AKT2: variants seen among roughly 807,000 people sequenced by gnomAD.
AKT2 encodes AKT serine/threonine kinase 2.
Under a neutral mutation model 58.6 loss-of-function variants are expected in AKT2, and 16 were observed. That is an observed-to-expected ratio of 0.27 (90% CI 0.18 to 0.41). The LOEUF is 0.41. Ranked by LOEUF, AKT2 falls within the 10% of genes least tolerant of loss-of-function variation. The pLI, the probability that AKT2 is intolerant of heterozygous loss-of-function variation, is 1.00. For synonymous variants in AKT2, 253 were observed against 254.0 expected (o/e 1.00, Z 0.04); for missense variants, 438 against 661.0 (o/e 0.66, Z 3.70).
intron 6 of AKT2, chr19:40,241,594 G>A (rs1487211299): frequency 2.1e-5 from 7 of 335,416 alleles, no homozygotes; most frequent in African/African-American, 8.4e-5. Context: ...CTCCTGGCCC[G>A]GCCTCCACCT....
rs1021869884 is a variant in AKT2, at chr19:40,242,445, A to T, written c.441+89T>A. The T allele has an allele frequency of 3.2e-6, 5 of 1,580,612 alleles. No individual in the cohort carries two copies. The Admixed American group carries it at 8.3e-5, about 26-fold the overall frequency. Reference sequence around the variant, plus strand: ...CTTGTCTCTCAGCTGAGCCCCCTGAACTGTGTTATGGAAACCAAGGAGAGC... The same window carrying T: ...CTTGTCTCTCAGCTGAGCCCCCTGATCTGTGTTATGGAAACCAAGGAGAGC... On this transcript the variant is annotated intron_variant, in intron 5 of 13. Transcript: ENST00000392038. The surrounding 1 kb of genome is among the most constrained non-coding windows in gnomAD (Gnocchi z 4.3).
chr19:40,238,884 G>A lies in AKT2; in HGVS notation c.708+21C>T. The A allele has an allele frequency of 6.2e-7, 1 of 1,613,898 alleles. No individual in the cohort carries two copies. Among genetic ancestry groups the A allele is most frequent in the Admixed American group, 1.7e-5 (1 of 60,028 alleles). ...AAAGAAGGAGGCCCCAGAGGGCAAA[G>A]TCAAGGCAGCCGCGGCTCACCTCAC... is the stretch of plus-strand genomic sequence containing the variant. On this transcript the variant is annotated intron_variant, in intron 8 of 13. Coordinates refer to ENST00000392038, the MANE Select transcript of AKT2 (RefSeq NM_001626.6). The surrounding 1 kb of genome is among the most constrained non-coding windows in gnomAD (Gnocchi z 5.1).
chr19:40,258,346 G>T (rs1479928384), intron 2 of AKT2, among the ~76,000 whole-genome samples: 3 of 149,866 alleles, frequency 2.0e-5, no homozygotes, highest in African/African-American at 7.4e-5. Context: ...TTAAATGGAT[G>T]AATCATGTAG....
At chr19:40,269,822 T>G (rs966905204) in intron 1 of AKT2, among the ~76,000 whole-genome samples, 5 of 152,074 alleles carry the variant, frequency 3.3e-5, no homozygotes, top group African/African-American at 1.2e-4. Flanking sequence ...GTGAAAGAAG[T>G]CAGCACTCTG....
chr19:40,267,997 G>A (rs979503187), intron 1 of AKT2, among the ~76,000 whole-genome samples: 10 of 152,178 alleles, frequency 6.6e-5, no homozygotes, highest in African/African-American at 2.4e-4. Flanking sequence ...AAAATGCAAG[G>A]ACCTGAGGCA....
At chr19:40,258,207 G>A (rs973063715) in intron 2 of AKT2, among the ~76,000 whole-genome samples, 13 of 134,348 alleles carry the variant, frequency 9.7e-5, no homozygotes, top group African/African-American at 3.5e-4. Flanking sequence ...TCACACCATT[G>A]CACTCCAGCC....
At chr19:40,244,213 C>G (rs918837774) in intron 4 of AKT2, 2 of 151,644 alleles carry the variant, frequency 1.3e-5, no homozygotes, top group Non-Finnish European at 2.9e-5. Flanking sequence ...GAGACTGAGA[C>G]GGGACGATGG....
At chr19:40,243,595 C>A (rs1974550712) in intron 4 of AKT2, 1 of 152,220 alleles carries the variant, frequency 6.6e-6, no homozygotes, top group African/African-American at 2.4e-5. Flanking sequence ...GGTTTAAGAA[C>A]AGTTAACTAG....
At chr19:40,265,119 T>G in intron 2 of AKT2, 103 bp downstream of exon 2, 1 of 1,519,142 alleles carries the variant, frequency 6.6e-7, no homozygotes, top group South Asian at 1.2e-5. Flanking sequence ...GAATGCTGGC[T>G]CCTCAGGCTG....
At chr19:40,248,056 C>T (rs769099001) in intron 4 of AKT2, among the ~76,000 whole-genome samples, 5 of 152,204 alleles carry the variant, frequency 3.3e-5, no homozygotes, top group African/African-American at 7.2e-5. Flanking sequence ...CCACCCAATG[C>T]GCTGCCTGCC....
At chr19:40,262,247 A>G (rs2145343245) in intron 2 of AKT2, among the ~76,000 whole-genome samples, 1 of 152,038 alleles carries the variant, frequency 6.6e-6, no homozygotes, top group South Asian at 2.1e-4. Context: ...TATCTATGAA[A>G]AAAAAAAAAA....
Position 40,233,115 on chromosome 19 carries a change from C to T in AKT2, c.*757G>A, listed in dbSNP as rs1222725430. The T allele has an allele frequency of 4.2e-6, 1 of 238,154 alleles. No homozygotes were observed. Among genetic ancestry groups the T allele is most frequent in the Non-Finnish European group, 8.2e-6 (1 of 121,512 alleles). 14.8% of individuals were successfully genotyped at this position (238,154 alleles called of 1,614,324 possible). On this transcript the variant is annotated 3_prime_UTR_variant, in exon 14 of 14. Transcript: ENST00000392038. This position sits in a 1 kb window ranked among gnomAD's most constrained non-coding sequence, Gnocchi z 4.3. ...AGGTAAGGCCAGCTGGAAGGAAGCC[C>T]TAGTAAGGCACGGGGCTGGGAGGCA...
intron 4 of AKT2, among the ~76,000 whole-genome samples, chr19:40,252,896 A>T (rs574549791): frequency 1.3e-5 from 2 of 152,264 alleles, no homozygotes; most frequent in Admixed American, 1.3e-4. Context: ...TTTGGTCCAT[A>T]GTTTTCAACT....
At chr19:40,281,631 T>C (rs2145437973) in intron 1 of AKT2, among the ~76,000 whole-genome samples, 1 of 152,330 alleles carries the variant, frequency 6.6e-6, no homozygotes, top group East Asian at 1.9e-4. Flanking sequence ...TCTGACTTGA[T>C]TGCATGTCTC....
chr19:40,239,077 T>C, intron 7 of AKT2, 104 bp from the exon 8 acceptor site: 2 of 1,228,974 alleles, frequency 1.6e-6, no homozygotes, highest in Admixed American at 2.3e-5. Context: ...ACACACACCC[T>C]GCCCTGGCTG....
Position 40,238,153 on chromosome 19 carries a change from TCCCAGCCCCCTGC to T in AKT2, c.709-75_709-63del. On this transcript the variant is annotated intron_variant, in intron 8 of 13. Coordinates refer to ENST00000392038, the MANE Select transcript of AKT2 (RefSeq NM_001626.6). The surrounding 1 kb of genome is among the most constrained non-coding windows in gnomAD (Gnocchi z 5.1). ...CCAGCCCACCCACCTGCCCTCACCT[TCCCAGCCCCCTGC>T]CCCAGCGCAGTGATGTGGTGACACC... 2 of 1,548,948 alleles carry T rather than the reference TCCCAGCCCCCTGC, an allele frequency of 1.3e-6. No homozygotes were observed. The highest frequency in any genetic ancestry group is 1.7e-6 in the Non-Finnish European group (2 of 1,146,708).
At chr19:40,259,320 C>G (rs1975775096) in intron 2 of AKT2, among the ~76,000 whole-genome samples, 1 of 152,150 alleles carries the variant, frequency 6.6e-6, no homozygotes, top group Non-Finnish European at 1.5e-5. Context: ...TCCTCACAAT[C>G]TTATCCCTAT....
rs1051889755 is a variant in AKT2, at chr19:40,233,814, GA to G, written c.*57del. ...AAAAGGCTAAGTAAAAAGTTAGGGG[GA>G]AAAAACCACCCAGCGGTGATGGCAG... On this transcript the variant is annotated 3_prime_UTR_variant, in exon 14 of 14. Coordinates refer to ENST00000392038, the MANE Select transcript of AKT2 (RefSeq NM_001626.6). The surrounding 1 kb of genome is among the most constrained non-coding windows in gnomAD (Gnocchi z 4.3). 37 of 1,575,024 alleles carry G rather than the reference GA, an allele frequency of 2.3e-5. No homozygotes were observed. The African/African-American group carries it at 3.4e-4, about 14-fold the overall frequency.
intron 7 of AKT2, 40 bp downstream of exon 7, chr19:40,240,005 G>A: frequency 6.3e-7 from 1 of 1,598,440 alleles, no homozygotes; most frequent in Non-Finnish European, 8.6e-7. Flanking sequence ...TCTGTCCAAA[G>A]GCTGGCCTCA....
Sources: gnomAD v4.1 joint callset for allele counts (sites outside exome capture counted in the v4.1 genomes callset) on GRCh38, gnomAD v4.1.1 for gene constraint, Gnocchi (gnomAD v3.1) non-coding constraint, MANE v1.5 for transcripts, NCBI Gene and HGNC (gene_info 2026-07-23, HGNC 2026-07-21) for gene names.